Variants in CTNNA2 observed in about 807,000 individuals in gnomAD.
CTNNA2 encodes catenin alpha-2.
In CTNNA2, 42 loss-of-function variants were observed where a neutral mutation model predicts 101.0. The ratio of observed to expected loss-of-function variants is 0.42; its 90% confidence interval spans 0.32 to 0.54. The LOEUF (loss-of-function observed/expected upper bound fraction) is 0.54, where lower values mean the gene tolerates loss of function less well. CTNNA2 is among the 20% of genes least tolerant of loss of function. CTNNA2 has a pLI of 0.14. For missense variants in CTNNA2, 871 were observed against 1,223.1 expected (o/e 0.71, Z 4.29); for synonymous variants, 450 against 456.4 (o/e 0.99, Z 0.18).
intron 2 of CTNNA2, among the ~76,000 whole-genome samples, chr2:79,704,520 T>C (rs1685220683): frequency 6.7e-6 from 1 of 149,788 alleles, no homozygotes; most frequent in African/African-American, 2.4e-5. Flanking sequence ...CTTTTTTTTT[T>C]TTTTTTTTTT....
chr2:80,600,337 C>G (rs1277174440), intron 15 of CTNNA2, among the ~76,000 whole-genome samples: 2 of 151,736 alleles, frequency 1.3e-5, no homozygotes, highest in African/African-American at 2.4e-5. Flanking sequence ...AAAGCACAAA[C>G]AGTAGTGTAA....
chr2:79,243,349 G>T (rs573592313), intron 2 of CTNNA2, among the ~76,000 whole-genome samples: 4 of 152,216 alleles, frequency 2.6e-5, no homozygotes, highest in African/African-American at 7.2e-5. Context: ...TAAACAGTAT[G>T]TTTTACTATA....
At chr2:79,890,911 A>G (rs1485061204) in intron 6 of CTNNA2, among the ~76,000 whole-genome samples, 1 of 144,218 alleles carries the variant, frequency 6.9e-6, no homozygotes, top group Non-Finnish European at 1.5e-5. Flanking sequence ...TGGAAGGGGC[A>G]GGGAGCCCCT....
At chr2:79,734,113 C>T (rs928972152) in intron 2 of CTNNA2, among the ~76,000 whole-genome samples, 1 of 152,084 alleles carries the variant, frequency 6.6e-6, no homozygotes, top group Non-Finnish European at 1.5e-5. Flanking sequence ...AAACAGCTTT[C>T]CTGAGATGGG....
chr2:80,440,986 T>C (rs1441742625), intron 9 of CTNNA2, among the ~76,000 whole-genome samples: 1 of 152,230 alleles, frequency 6.6e-6, no homozygotes, highest in African/African-American at 2.4e-5. Flanking sequence ...AAGCGGCCAC[T>C]ATCTGGAATA....
intron 2 of CTNNA2, among the ~76,000 whole-genome samples, chr2:79,653,408 G>A (rs1681396574): frequency 6.6e-6 from 1 of 152,044 alleles, no homozygotes; most frequent in Non-Finnish European, 1.5e-5. Flanking sequence ...ATTTTACTAT[G>A]CACATCTCCA....
chr2:79,917,913 A>G (rs1454448851), intron 7 of CTNNA2, among the ~76,000 whole-genome samples: 2 of 152,092 alleles, frequency 1.3e-5, no homozygotes, highest in African/African-American at 4.8e-5. Flanking sequence ...GGTGTTCTGG[A>G]TACAGTACCC....
At chr2:80,407,264 G>C (rs982250394) in intron 8 of CTNNA2, among the ~76,000 whole-genome samples, 1 of 152,156 alleles carries the variant, frequency 6.6e-6, no homozygotes, top group Non-Finnish European at 1.5e-5. Context: ...AGCCTCCTCA[G>C]TTCTCTTCTT....
intron 1 of CTNNA2, among the ~76,000 whole-genome samples, chr2:79,561,666 C>T (rs753903310): frequency 1.1e-4 from 16 of 151,756 alleles, no homozygotes; most frequent in Non-Finnish European, 2.2e-4. Context: ...GGAGATACCA[C>T]ATGTCTAATG....
intron 2 of CTNNA2, among the ~76,000 whole-genome samples, chr2:79,304,587 G>T (rs968162606): frequency 1.3e-5 from 2 of 152,272 alleles, no homozygotes; most frequent in African/African-American, 4.8e-5. Flanking sequence ...AGGATTAAGC[G>T]TACCTCATAG....
At chr2:79,476,276 A>C (rs1558676549) in intron 4 of CTNNA2, among the ~76,000 whole-genome samples, 1 of 152,178 alleles carries the variant, frequency 6.6e-6, no homozygotes. Context: ...TGTAAGAATC[A>C]GGTAGAGCCA....
chr2:79,347,915 A>C (rs61078967), intron 3 of CTNNA2, among the ~76,000 whole-genome samples: 15,668 of 151,906 alleles, frequency 0.1, 1,053 homozygotes, highest in East Asian at 0.34. Context: ...TCAGGTATAA[A>C]ATGATGATCC....
rs1455257041 is a variant in CTNNA2 at position 79,921,732 on chromosome 2, G to C, written c.1056+11935G>C. ...CTTCAGTAATCTATTAACTCTGCTGGTTTGAATGCAGCTGAGAGACTTAGA... is the reference window on the plus strand; with the variant it reads ...CTTCAGTAATCTATTAACTCTGCTGCTTTGAATGCAGCTGAGAGACTTAGA... On this transcript the variant is annotated intron_variant, in intron 7 of 18. Coordinates refer to ENST00000402739, the MANE Select transcript of CTNNA2 (RefSeq NM_001282597.3). Among the ~76,000 whole-genome samples, 3 of 151,900 alleles carry C rather than the reference G, an allele frequency of 2.0e-5. No individual in the cohort carries two copies. The South Asian group carries it at 6.2e-4, about 31-fold the overall frequency.
At chr2:80,542,136 G>A (rs1691619042) in intron 9 of CTNNA2, among the ~76,000 whole-genome samples, 1 of 149,586 alleles carries the variant, frequency 6.7e-6, no homozygotes, top group Non-Finnish European at 1.5e-5. Context: ...AGTACCATTA[G>A]CATGCTTTAA....
chr2:79,559,441 A>G (rs1674637884), intron 1 of CTNNA2, among the ~76,000 whole-genome samples: 1 of 151,988 alleles, frequency 6.6e-6, no homozygotes, highest in Non-Finnish European at 1.5e-5. Flanking sequence ...GAGAAATAAC[A>G]GAGGCCCGGC....
intron 9 of CTNNA2, among the ~76,000 whole-genome samples, chr2:80,459,851 G>A (rs1276090822): frequency 6.6e-6 from 1 of 152,264 alleles, no homozygotes; most frequent in South Asian, 2.1e-4. Flanking sequence ...TCAGGTCTTT[G>A]TAGGCTTGGT....
intron 2 of CTNNA2, among the ~76,000 whole-genome samples, chr2:79,265,321 A>G (rs1674974465): frequency 6.6e-6 from 1 of 152,194 alleles, no homozygotes; most frequent in South Asian, 2.1e-4. Flanking sequence ...CTGAACAGGA[A>G]TGAGACAGTC....
At chr2:79,902,052 A>G (rs558891904) in intron 6 of CTNNA2, among the ~76,000 whole-genome samples, 13 of 152,350 alleles carry the variant, frequency 8.5e-5, no homozygotes, top group African/African-American at 3.1e-4. Context: ...ATTAGGAGAA[A>G]GTAGCATTTT....
chr2:79,517,123 T>C (rs1671849986), intron 1 of CTNNA2, among the ~76,000 whole-genome samples: 1 of 152,196 alleles, frequency 6.6e-6, no homozygotes, highest in Admixed American at 6.5e-5. Flanking sequence ...ATACTCTCTG[T>C]GTGGAGAGAC....
Sources: gnomAD v4.1 joint callset for allele counts (sites outside exome capture counted in the v4.1 genomes callset) on GRCh38, gnomAD v4.1.1 for gene constraint, MANE v1.5 for transcripts, NCBI Gene and HGNC (gene_info 2026-07-23, HGNC 2026-07-21) for gene names.